HECW2: variants seen among roughly 807,000 people sequenced by gnomAD.
The protein encoded by HECW2 is E3 ubiquitin-protein ligase HECW2.
HECW2 carries 61 observed loss-of-function variants against 175.2 expected under a neutral mutation model. That is an observed-to-expected ratio of 0.35 (90% CI 0.28 to 0.43). The LOEUF (loss-of-function observed/expected upper bound fraction) is 0.43. HECW2 is among the 20% of genes least tolerant of loss of function. The pLI, the probability that HECW2 is intolerant of heterozygous loss-of-function variation, is 1.00. For missense variants in HECW2, 1,524 were observed against 2,000.5 expected (o/e 0.76, Z 4.54); for synonymous variants, 671 against 731.0 (o/e 0.92, Z 1.32).
In HECW2 at chr2:196,571,190, T is replaced by A. The variant is rs76337645; in HGVS notation, c.-36+22318A>T. Among the ~76,000 whole-genome samples the A allele has an allele frequency of 7.8e-3, 1,187 of 152,272 alleles. 58 individuals carry two copies. In the East Asian group the frequency reaches 0.12, roughly 16 times the overall value. ...TAAGGATTCAACTAGGAATCAGAAG[T>A]CAGATTACATTTAATTTTGTAATGT... On this transcript the variant is annotated intron_variant, in intron 1 of 28. Coordinates refer to ENST00000644978, the MANE Select transcript of HECW2 (RefSeq NM_001348768.2).
At chr2:196,522,426 G>A (rs1304797040) in intron 1 of HECW2, among the ~76,000 whole-genome samples, 1 of 152,154 alleles carries the variant, frequency 6.6e-6, no homozygotes, top group Non-Finnish European at 1.5e-5. Context: ...CATTCTGTAG[G>A]TTGCCTGTTC....
intron 21 of HECW2, chr2:196,239,104 T>G (rs545651031): frequency 6.6e-6 from 1 of 152,340 alleles, no homozygotes; most frequent in African/African-American, 2.4e-5. Context: ...TGCACCTTCA[T>G]CTTTAAGCCA....
chr2:196,268,409 C>A (rs1304309567), intron 17 of HECW2, among the ~76,000 whole-genome samples: 1 of 137,758 alleles, frequency 7.3e-6, no homozygotes, highest in African/African-American at 2.9e-5. Context: ...CTAGATGCCA[C>A]TAAAAAAAAA....
In HECW2 at chr2:196,199,407, T is replaced by G. The variant is rs1001814994; in HGVS notation, c.*1870A>C. 1 of 152,604 alleles carries G rather than the reference T, an allele frequency of 6.6e-6. No individual in the cohort carries two copies. The highest frequency in any genetic ancestry group is 1.5e-5 in the Non-Finnish European group (1 of 68,028). The allele number at this position is 152,604 out of a possible 1,614,324, so 9.5% of individuals were successfully genotyped here. ...TATAACCCTTTTTCAGAACATTTCT[T>G]CACACTGCAGTACGTGCCTTTAGTG... On this transcript the variant is annotated 3_prime_UTR_variant, in exon 29 of 29. Transcript: ENST00000644978.
chr2:196,324,818 G>C (rs1692084696), intron 6 of HECW2, among the ~76,000 whole-genome samples, 162 bp downstream of exon 6: 1 of 152,078 alleles, frequency 6.6e-6, no homozygotes, highest in East Asian at 1.9e-4. Flanking sequence ...CCCTAGACCT[G>C]GCTCTGGAGA....
At chr2:196,530,326 G>A (rs984558018) in intron 1 of HECW2, among the ~76,000 whole-genome samples, 2 of 152,108 alleles carry the variant, frequency 1.3e-5, no homozygotes, top group African/African-American at 2.4e-5. Context: ...CTCAGGCCTG[G>A]ACAGTAATAG....
chr2:196,518,115 C>G (rs1437190159), intron 1 of HECW2, among the ~76,000 whole-genome samples: 3 of 152,154 alleles, frequency 2.0e-5, no homozygotes, highest in Non-Finnish European at 2.9e-5. Flanking sequence ...CCTACACTAA[C>G]ACAGCAATGG....
At chr2:196,223,198 A>G (rs1244588112) in intron 23 of HECW2, among the ~76,000 whole-genome samples, 1 of 152,224 alleles carries the variant, frequency 6.6e-6, no homozygotes, top group African/African-American at 2.4e-5. Context: ...ACACAAACAG[A>G]TAAGTTAATA....
intron 17 of HECW2, among the ~76,000 whole-genome samples, chr2:196,265,808 A>G (rs1462311716): frequency 1.3e-5 from 2 of 152,228 alleles, no homozygotes; most frequent in African/African-American, 4.8e-5. Flanking sequence ...CCCATTTTAC[A>G]GACGAGGATG....
chr2:196,361,526 C>T (rs746706629), intron 2 of HECW2, among the ~76,000 whole-genome samples: 17 of 152,220 alleles, frequency 1.1e-4, no homozygotes, highest in Non-Finnish European at 2.5e-4. Context: ...TACTTAACAA[C>T]ACAATCCATT....
intron 1 of HECW2, among the ~76,000 whole-genome samples, chr2:196,433,702 C>T (rs1003738076): frequency 3.9e-5 from 6 of 152,174 alleles, no homozygotes; most frequent in African/African-American, 1.4e-4. Flanking sequence ...CTTGGCACAG[C>T]TTTCTCCTAG....
At chr2:196,344,395 C>T (rs1482047924) in intron 2 of HECW2, among the ~76,000 whole-genome samples, 1 of 151,394 alleles carries the variant, frequency 6.6e-6, no homozygotes, top group African/African-American at 2.4e-5. Context: ...ACAGTGATCC[C>T]CCCAAAAGGC....
At chr2:196,424,257 A>G (rs1250705274) in intron 2 of HECW2, among the ~76,000 whole-genome samples, 1 of 152,064 alleles carries the variant, frequency 6.6e-6, no homozygotes, top group Non-Finnish European at 1.5e-5. Context: ...CCACTGACCC[A>G]ACGATCCTCT....
At chr2:196,398,425 C>T (rs773103507) in intron 2 of HECW2, among the ~76,000 whole-genome samples, 1 of 152,116 alleles carries the variant, frequency 6.6e-6, no homozygotes, top group African/African-American at 2.4e-5. Context: ...AGAGATATTG[C>T]CATAGGTTCA....
At chr2:196,380,546 G>A (rs1274300880) in intron 2 of HECW2, among the ~76,000 whole-genome samples, 1 of 152,186 alleles carries the variant, frequency 6.6e-6, no homozygotes, top group Non-Finnish European at 1.5e-5. Context: ...GTCATTGGTT[G>A]TTTTTGAAAA....
chr2:196,491,367 T>C (rs111756039), intron 1 of HECW2, among the ~76,000 whole-genome samples: 11,837 of 95,672 alleles, frequency 0.12, 567 homozygotes, highest in Middle Eastern at 0.17. Context: ...ATCATATATA[T>C]ATACACACAC....
chr2:196,233,244 G>A (rs2105856087), intron 21 of HECW2, among the ~76,000 whole-genome samples: 1 of 152,300 alleles, frequency 6.6e-6, no homozygotes, highest in Non-Finnish European at 1.5e-5. Flanking sequence ...CCGCACAACA[G>A]CTGCATCTGA....
intron 1 of HECW2, among the ~76,000 whole-genome samples, chr2:196,459,230 G>A (rs1468528069): frequency 1.3e-5 from 2 of 152,208 alleles, no homozygotes; most frequent in Non-Finnish European, 2.9e-5. Context: ...GTAACACTGA[G>A]CTGAGTCTTA....
rs1248854804 is a variant in HECW2 at position 196,319,001 on chromosome 2, G to A, written c.1889C>T (p.Thr630Ile). 4 of 1,613,886 alleles carry A rather than the reference G, an allele frequency of 2.5e-6. No individual in the cohort carries two copies. Among genetic ancestry groups the A allele is most frequent in the Non-Finnish European group, 3.4e-6 (4 of 1,179,922 alleles). The change falls in exon 9 of 29, where the codon ACC becomes ATC. Residue 630 changes from threonine to isoleucine, a missense_variant. Physicochemically the swap from Thr to Ile is moderately conservative, Grantham distance 89. Coordinates refer to ENST00000644978, the MANE Select transcript of HECW2 (RefSeq NM_001348768.2). Reference sequence around the variant, plus strand: ...CAGGTCACTCTCTCCCTCAGGCCTGGTGCTGGCTTCGCTCACACTCTCTGT... The same window carrying A: ...CAGGTCACTCTCTCCCTCAGGCCTGATGCTGGCTTCGCTCACACTCTCTGT... ...ARTESVSEAS[T>I]RPEGESDLEC...
Sources: gnomAD v4.1 joint callset for allele counts (sites outside exome capture counted in the v4.1 genomes callset) on GRCh38, gnomAD v4.1.1 for gene constraint, MANE v1.5 for transcripts, NCBI Gene and HGNC (gene_info 2026-07-23, HGNC 2026-07-21) for gene names.